The following THRA variants were observed in gnomAD, a reference collection of about 807,000 sequenced individuals.
THRA encodes the protein EAR-7.
In THRA, 13 loss-of-function variants were observed where a neutral mutation model predicts 45.0. The observed-to-expected ratio is 0.29, with a 90% CI of 0.19 to 0.46. THRA has a LOEUF of 0.46. Ranked by LOEUF, THRA falls within the 20% of genes least tolerant of loss-of-function variation. The probability of loss-of-function intolerance (pLI) is 1.00; values close to 1 mark genes in which losing one functional copy is unlikely to be tolerated. For missense variants in THRA, 278 were observed against 556.1 expected (o/e 0.50, Z 5.03); for synonymous variants, 195 against 214.0 (o/e 0.91, Z 0.78).
chr17:40,093,724 G>A, downstream of THRA: 1 of 641,866 alleles, frequency 1.6e-6, no homozygotes, highest in Non-Finnish European at 2.7e-6. This position sits in a 1 kb window ranked among gnomAD's most constrained non-coding sequence, Gnocchi z 5.9. Context: ...CTTCTACTGT[G>A]ACACTTATCT....
intron 1 of THRA, among the ~76,000 whole-genome samples, chr17:40,071,024 C>G (rs1986756195): frequency 6.6e-6 from 1 of 151,942 alleles, no homozygotes; most frequent in East Asian, 1.9e-4. Flanking sequence ...TCACCCCTAG[C>G]TCTACCCCAG....
rs1283610355 is a variant in THRA, at chr17:40,076,928, C to G, written c.111C>G (p.Thr37=). ...AGAACGGCCAATGTTCCCTGAAAACCAGCATGTCAGGTGAGGCTGGCTGTG... is the reference window on the plus strand; with the variant it reads ...AGAACGGCCAATGTTCCCTGAAAACGAGCATGTCAGGTGAGGCTGGCTGTG... ...KRKNGQCSLK[T]SMSGYIPSYL... The change falls in exon 3 of 9, where the codon ACC becomes ACG. Residue 37 remains threonine (T), a synonymous_variant. Transcript: ENST00000450525. 1 of 1,614,106 alleles carries G rather than the reference C, an allele frequency of 6.2e-7. No individual in the cohort carries two copies. Among genetic ancestry groups the G allele is most frequent in the Admixed American group, 1.7e-5 (1 of 59,992 alleles).
At chr17:40,066,034 C>A (rs1489787546) in intron 1 of THRA, among the ~76,000 whole-genome samples, 1 of 152,216 alleles carries the variant, frequency 6.6e-6, no homozygotes, top group Non-Finnish European at 1.5e-5. Context: ...AGCTGAGGCC[C>A]ACCTCAGAGA....
intron 1 of THRA, among the ~76,000 whole-genome samples, chr17:40,066,663 C>CAAAAAAAAAAAAAAAAAAA (rs553082902): frequency 2.0e-5 from 1 of 49,534 alleles, no homozygotes; most frequent in Non-Finnish European, 4.7e-5. Flanking sequence ...GACTCCGTCT[C>CAAAAAAAAAAAAAAAAAAA]AAAAAAAAAA....
chr17:40,067,207 G>C (rs577564218), intron 1 of THRA, among the ~76,000 whole-genome samples: 3 of 151,772 alleles, frequency 2.0e-5, no homozygotes, highest in Non-Finnish European at 4.4e-5. Flanking sequence ...TTTGACCCTC[G>C]CCCTTCAGCT....
At chr17:40,081,640 A>G (rs1159496974) in intron 4 of THRA, among the ~76,000 whole-genome samples, 6 of 152,032 alleles carry the variant, frequency 3.9e-5, no homozygotes, top group African/African-American at 1.4e-4. Flanking sequence ...TATTATTGCA[A>G]TCATCTTGAG....
chr17:40,084,375 G>A (rs1026720284), intron 5 of THRA: 16 of 557,342 alleles, frequency 2.9e-5, no homozygotes, highest in African/African-American at 1.9e-4. Flanking sequence ...ACCATAATCC[G>A]TTAGACCAGA....
chr17:40,070,577 G>A (rs1349166907), intron 1 of THRA, among the ~76,000 whole-genome samples: 1 of 152,176 alleles, frequency 6.6e-6, no homozygotes, highest in Non-Finnish European at 1.5e-5. Context: ...GCCCATGCAT[G>A]CCCATTTATG....
chr17:40,066,632 A>G (rs1198503896), intron 1 of THRA, among the ~76,000 whole-genome samples: 1 of 148,458 alleles, frequency 6.7e-6, no homozygotes, highest in South Asian at 2.1e-4. Context: ...CCACTGCACT[A>G]CAGACTGGGT....
At chr17:40,070,049 A>T (rs1023029268) in intron 1 of THRA, among the ~76,000 whole-genome samples, 1 of 151,768 alleles carries the variant, frequency 6.6e-6, no homozygotes, top group Non-Finnish European at 1.5e-5. Flanking sequence ...TCCTTTGTTT[A>T]AGTAACCAAT....
chr17:40,082,355 C>T (rs969805736), intron 4 of THRA, among the ~76,000 whole-genome samples: 1 of 151,836 alleles, frequency 6.6e-6, no homozygotes, highest in Admixed American at 6.6e-5. Context: ...GCTGGGATTA[C>T]AGGCATGTGC....
chr17:40,074,429 CAG>C lies in THRA; in HGVS notation c.-59_-58del, dbSNP rs1986881161. The C allele has an allele frequency of 6.3e-7, 1 of 1,596,508 alleles. No homozygotes were observed. The highest frequency in any genetic ancestry group is 8.6e-7 in the Non-Finnish European group (1 of 1,165,126). ...TGGCCTGTGGGTGTGCCGGGGGGGC[CAG>C]TGTGCCCACCCCAGTCTCTTGGCGT... On this transcript the variant is annotated 5_prime_UTR_variant, in exon 2 of 9. Transcript: ENST00000450525.
At chr17:40,071,551 G>GTGGGTCT (rs1326007768) in intron 1 of THRA, among the ~76,000 whole-genome samples, 1 of 152,246 alleles carries the variant, frequency 6.6e-6, no homozygotes, top group Non-Finnish European at 1.5e-5. Context: ...CAGCCGACAG[G>GTGGGTCT]TGGGTCTTGC....
At chr17:40,065,120 A>C (rs570750737) in intron 1 of THRA, among the ~76,000 whole-genome samples, 18 of 151,618 alleles carry the variant, frequency 1.2e-4, no homozygotes, top group Admixed American at 2.0e-4. Flanking sequence ...GGGGTTCCAG[A>C]GGGCCGAGTC....
At chr17:40,086,895 G>A (rs1987338205) in intron 7 of THRA, 42 bp downstream of exon 7, 1 of 1,609,944 alleles carries the variant, frequency 6.2e-7, no homozygotes, top group Non-Finnish European at 8.5e-7. Flanking sequence ...CTGTGCTGGA[G>A]GGAAACCTGC....
chr17:40,080,139 C>G (rs924170684), intron 4 of THRA, among the ~76,000 whole-genome samples: 3 of 151,986 alleles, frequency 2.0e-5, no homozygotes, highest in African/African-American at 7.2e-5. Flanking sequence ...GTAGCTCACG[C>G]CTGTAATCCA....
chr17:40,086,596 G>A (rs1433929332), intron 6 of THRA, 111 bp from the exon 7 acceptor site: 1 of 1,385,560 alleles, frequency 7.2e-7, no homozygotes, highest in Non-Finnish European at 9.7e-7. Context: ...CTCAGGCACG[G>A]GCGGCCCCTC....
At chr17:40,093,158 G>C, downstream of THRA, 1 of 1,614,070 alleles carries the variant, frequency 6.2e-7, no homozygotes, top group Non-Finnish European at 8.5e-7. This position sits in a 1 kb window ranked among gnomAD's most constrained non-coding sequence, Gnocchi z 5.9. Flanking sequence ...CCGGCAGCTT[G>C]AGCAGCAGCT....
In THRA at chr17:40,074,688, T is replaced by C. The variant is rs1159160341; in HGVS notation, c.53+147T>C. ...CTTCTGCCTACCTTTGTCTGGCAGATGAAGTCATGTTCAGATGTGACAGGC... is the reference window on the plus strand; with the variant it reads ...CTTCTGCCTACCTTTGTCTGGCAGACGAAGTCATGTTCAGATGTGACAGGC... On this transcript the variant is annotated intron_variant, in intron 2 of 8. Transcript: ENST00000450525. 7.3e-6 allele frequency: 6 copies of C among 816,726 alleles called. No homozygotes were observed. The African/African-American group carries it at 1.0e-4, about 14-fold the overall frequency. The allele number at this position is 816,726 out of a possible 1,614,324, so 50.6% of individuals were successfully genotyped here. A position where few individuals can be genotyped will look rare whatever the true frequency, so the allele number is the denominator to read the frequency against.
Sources: allele counts gnomAD v4.1 joint callset (sites outside exome capture counted in the v4.1 genomes callset), GRCh38; gene constraint gnomAD v4.1.1; non-coding constraint Gnocchi (gnomAD v3.1); transcripts MANE v1.5; gene names NCBI Gene and HGNC (gene_info 2026-07-23, HGNC 2026-07-21).